The following RHPN2 variants were observed in gnomAD, a reference collection of about 807,000 sequenced individuals.
The protein encoded by RHPN2 is rhophilin-2.
RHPN2 carries 40 observed loss-of-function variants against 79.0 expected under a neutral mutation model. The ratio of observed to expected loss-of-function variants is 0.51; its 90% CI spans 0.39 to 0.66. The LOEUF is 0.66. Among genes scored for constraint, RHPN2 ranks in the 30% least tolerant of loss-of-function variants. The probability of loss-of-function intolerance (pLI) is 0.00; values close to 1 mark genes in which losing one functional copy is unlikely to be tolerated. For missense variants in RHPN2, 686 were observed against 883.5 expected (o/e 0.78, Z 2.83); for synonymous variants, 285 against 363.5 (o/e 0.78, Z 2.46).
chr19:33,046,070 C>T (rs910833375), intron 1 of RHPN2, among the ~76,000 whole-genome samples: 1 of 150,446 alleles, frequency 6.6e-6, no homozygotes, highest in African/African-American at 2.5e-5. Flanking sequence ...TACATAGATA[C>T]ACCACACTTG....
At chr19:32,987,054 T>G (rs1971618117) in intron 14 of RHPN2, among the ~76,000 whole-genome samples, 1 of 151,630 alleles carries the variant, frequency 6.6e-6, no homozygotes, top group Non-Finnish European at 1.5e-5. Context: ...TTTTTTTTAT[T>G]TTTTGTAGAG....
At chr19:33,027,258 A>AG in intron 2 of RHPN2, 1 of 152,502 alleles carries the variant, frequency 6.6e-6, no homozygotes, top group Non-Finnish European at 1.5e-5. Context: ...CAAAAAAAAA[A>AG]AAAAAAAAAA....
chr19:33,007,941 CT>C, intron 7 of RHPN2, 72 bp downstream of exon 7: 3 of 1,543,192 alleles, frequency 1.9e-6, no homozygotes. Context: ...TGTAGATTCT[CT>C]TCAGTGGGGG....
chr19:33,034,783 CAAAAAAAAAAA>C (rs58456679), intron 2 of RHPN2, among the ~76,000 whole-genome samples: 1 of 50,894 alleles, frequency 2.0e-5, no homozygotes, highest in African/African-American at 7.4e-5. Flanking sequence ...GACTCCATCT[CAAAAAAAAAAA>C]AAAAAAAAAA....
chr19:33,017,351 G>A (rs1392397647), intron 4 of RHPN2, among the ~76,000 whole-genome samples: 4 of 150,990 alleles, frequency 2.6e-5, no homozygotes, highest in African/African-American at 4.8e-5. Flanking sequence ...TCCAGCCTGC[G>A]CAACAAGAGT....
intron 1 of RHPN2, among the ~76,000 whole-genome samples, chr19:33,048,734 A>AAAAAAAAAAAC (rs1208577865): frequency 1.3e-5 from 2 of 151,100 alleles, no homozygotes; most frequent in African/African-American, 4.9e-5. Flanking sequence ...TCAAAAAAAA[A>AAAAAAAAAAAC]AAAAAAAAAA....
At chr19:33,047,788 G>A (rs1437575924) in intron 1 of RHPN2, among the ~76,000 whole-genome samples, 3 of 152,098 alleles carry the variant, frequency 2.0e-5, no homozygotes, top group Admixed American at 6.6e-5. Flanking sequence ...GCTCACAACT[G>A]TAATCCCAAG....
chr19:33,008,164 C>T lies in RHPN2; in HGVS notation c.610G>A (p.Gly204Arg), dbSNP rs1216849666. The change falls in exon 7 of 15, where the codon GGG becomes AGG. Residue 204 changes from glycine to arginine, a missense_variant. Coordinates refer to ENST00000254260, the MANE Select transcript of RHPN2 (RefSeq NM_033103.5). ...AGGTTCTGCTGGCTGACCGGAACCC[C>T]GGTGAGAGAGTCATACCTATGTGAA... The part of the protein sequence containing the change: ...LLFTWYDSLT[G>R]VPVSQQNLLL... 3.1e-6 allele frequency: 5 copies of T among 1,613,864 alleles called. No individual in the cohort carries two copies. The highest frequency in any genetic ancestry group is 3.4e-6 in the Non-Finnish European group (4 of 1,179,982).
intron 2 of RHPN2, among the ~76,000 whole-genome samples, chr19:33,036,536 C>T (rs556548377): frequency 2.0e-5 from 3 of 152,288 alleles, no homozygotes; most frequent in South Asian, 2.1e-4. Flanking sequence ...CCCACTTTGG[C>T]GACACTTGAG....
At chr19:32,998,254 G>T (rs1971718769) in intron 10 of RHPN2, among the ~76,000 whole-genome samples, 1 of 152,184 alleles carries the variant, frequency 6.6e-6, no homozygotes, top group Non-Finnish European at 1.5e-5. Flanking sequence ...TACACATGTG[G>T]CTTCCACCAG....
intron 2 of RHPN2, among the ~76,000 whole-genome samples, chr19:33,036,651 G>C (rs970976349): frequency 6.6e-6 from 1 of 152,206 alleles, no homozygotes; most frequent in Non-Finnish European, 1.5e-5. Flanking sequence ...AGAGGCGCGG[G>C]CGGGAACCAG....
At chr19:33,041,391 T>A (rs1166663951) in intron 2 of RHPN2, among the ~76,000 whole-genome samples, 1 of 152,178 alleles carries the variant, frequency 6.6e-6, no homozygotes, top group Non-Finnish European at 1.5e-5. Flanking sequence ...CCCTATTTGT[T>A]TTCGGGAAAC....
Position 33,058,563 on chromosome 19 carries a change from C to T in RHPN2, c.69+6221G>A, listed in dbSNP as rs151142509. 2.1e-4 allele frequency among the ~76,000 whole-genome samples: 32 copies of T among 152,178 alleles called. 1 individual carries two copies. In the East Asian group the frequency reaches 5.4e-3, roughly 26 times the overall value. On this transcript the variant is annotated intron_variant, in intron 1 of 14. Coordinates refer to ENST00000254260, the MANE Select transcript of RHPN2 (RefSeq NM_033103.5). Reference sequence around the variant, plus strand: ...TTGGGAGGCCGAGGCAGGTGGATTACGCAGTCAAGAGGTTGAGACCATCCT... The same window carrying T: ...TTGGGAGGCCGAGGCAGGTGGATTATGCAGTCAAGAGGTTGAGACCATCCT...
At chr19:33,054,936 A>T (rs1972219849) in intron 1 of RHPN2, among the ~76,000 whole-genome samples, 1 of 152,208 alleles carries the variant, frequency 6.6e-6, no homozygotes, top group Admixed American at 6.5e-5. Context: ...GATACCTCCC[A>T]GCCAGGATCC....
chr19:33,026,683 T>C (rs1971970898), intron 2 of RHPN2, 51 bp from the exon 3 acceptor site: 1 of 1,582,840 alleles, frequency 6.3e-7, no homozygotes. Context: ...TATCCTGGCT[T>C]CTAGGTGAGC....
At chr19:33,016,361 C>T (rs1227617388) in intron 4 of RHPN2, among the ~76,000 whole-genome samples, 1 of 152,114 alleles carries the variant, frequency 6.6e-6, no homozygotes, top group African/African-American at 2.4e-5. Flanking sequence ...GTGTGAGCCA[C>T]TGTGCCTGGC....
intron 1 of RHPN2, among the ~76,000 whole-genome samples, chr19:33,055,746 A>AC (rs201150490): frequency 0.13 from 19,144 of 150,810 alleles, 1,494 homozygotes; most frequent in Admixed American, 0.28. Context: ...AAAAAAAAAA[A>AC]AACAACAACA....
At chr19:32,987,955 A>C (rs549246166) in intron 14 of RHPN2, among the ~76,000 whole-genome samples, 1 of 152,180 alleles carries the variant, frequency 6.6e-6, no homozygotes, top group Admixed American at 6.6e-5. Flanking sequence ...CGGAGGTGGG[A>C]GGATCGCTTA....
rs1331772834 is a variant in RHPN2, at chr19:33,064,807, CCTT to C, written c.43_45del (p.Lys15del). 14 of 1,349,896 alleles carry C rather than the reference CCTT, an allele frequency of 1.0e-5. No homozygotes were observed. Among genetic ancestry groups the C allele is most frequent in the Non-Finnish European group, 9.7e-7 (1 of 1,033,710 alleles). The allele number at this position is 1,349,896 out of a possible 1,614,324, so 83.6% of individuals were successfully genotyped here. ...ACCTTCCGAAAGTAGCCGTCGTTCT[CCTT>C]CTCCAGCGGCTGGGGGGCCGCGGGC... On this transcript the variant is annotated inframe_deletion, in exon 1 of 15. Transcript: ENST00000254260.
Sources: allele counts gnomAD v4.1 joint callset (sites outside exome capture counted in the v4.1 genomes callset), GRCh38; gene constraint gnomAD v4.1.1; transcripts MANE v1.5; gene names NCBI Gene and HGNC (gene_info 2026-07-23, HGNC 2026-07-21).